GAB2: variants seen among roughly 807,000 people sequenced by gnomAD.
GAB2 encodes the protein GRB2-associated-binding protein 2.
GAB2 carries 26 observed loss-of-function variants against 65.5 expected under a neutral mutation model. That is an observed-to-expected ratio of 0.40 (90% CI 0.29 to 0.55). GAB2 has a LOEUF of 0.55. Ranked by LOEUF, GAB2 falls within the 20% of genes least tolerant of loss-of-function variation. The probability of loss-of-function intolerance (pLI) is 0.53; values close to 1 mark genes in which losing one functional copy is unlikely to be tolerated. For missense variants in GAB2, 884 were observed against 875.8 expected (o/e 1.01, Z -0.12); for synonymous variants, 321 against 329.6 (o/e 0.97, Z 0.28).
intron 1 of GAB2, among the ~76,000 whole-genome samples, chr11:78,343,382 G>A (rs888201118): frequency 1.5e-5 from 2 of 136,678 alleles, no homozygotes; most frequent in Non-Finnish European, 3.2e-5. Flanking sequence ...GAGGGAAGGA[G>A]AGAGGGAGAG....
At chr11:78,311,231 ATTAGGTACAT>A in intron 1 of GAB2, among the ~76,000 whole-genome samples, 2 of 152,182 alleles carry the variant, frequency 1.3e-5, no homozygotes, top group Non-Finnish European at 2.9e-5. Context: ...CTGAACACTT[ATTAGGTACAT>A]TTTATATACA....
chr11:78,416,292 C>T (rs1857194602), intron 1 of GAB2, among the ~76,000 whole-genome samples: 1 of 152,114 alleles, frequency 6.6e-6, no homozygotes, highest in African/African-American at 2.4e-5. Context: ...TTTTTTCCCC[C>T]AGCAAACATC....
At chr11:78,296,609 C>G (rs1200114827) in intron 1 of GAB2, among the ~76,000 whole-genome samples, 1 of 152,104 alleles carries the variant, frequency 6.6e-6, no homozygotes, top group Admixed American at 6.6e-5. Flanking sequence ...ACAAAGAAGA[C>G]ACTTGTTTAC....
intron 1 of GAB2, among the ~76,000 whole-genome samples, chr11:78,365,209 A>T (rs1203043590): frequency 6.6e-6 from 1 of 152,200 alleles, no homozygotes; most frequent in Admixed American, 6.5e-5. Context: ...AGATAAGCAG[A>T]GGGACTTAAG....
intron 1 of GAB2, among the ~76,000 whole-genome samples, chr11:78,342,804 T>C (rs570006628): frequency 5.9e-5 from 9 of 152,310 alleles, no homozygotes; most frequent in African/African-American, 2.2e-4. Flanking sequence ...TTAGACATCC[T>C]CCATAGTTCC....
intron 1 of GAB2, among the ~76,000 whole-genome samples, chr11:78,358,108 T>C (rs1357241590): frequency 1.3e-5 from 2 of 152,022 alleles, no homozygotes; most frequent in African/African-American, 4.8e-5. Context: ...TGGAATACTA[T>C]GCAGCCATAA....
At position 78,219,553 on chromosome 11, in the gene GAB2, G is replaced by A. The variant is rs1259423365; in HGVS notation, c.1888-138C>T. 4.0e-6 allele frequency: 3 copies of A among 741,180 alleles called. No homozygotes were observed. In the Admixed American group the frequency reaches 7.0e-5, roughly 17 times the overall value. 45.9% of individuals were successfully genotyped at this position (741,180 alleles called of 1,614,324 possible). ...CTCTGCCTGCCACTGACCAGCCTCA[G>A]GAGCCTGGCTTCTCTTTCTGAATGT... On this transcript the variant is annotated intron_variant, in intron 9 of 9. Coordinates refer to ENST00000361507, the MANE Select transcript of GAB2 (RefSeq NM_080491.3).
intron 1 of GAB2, among the ~76,000 whole-genome samples, chr11:78,348,948 C>A (rs971365428): frequency 6.6e-6 from 1 of 152,178 alleles, no homozygotes; most frequent in Non-Finnish European, 1.5e-5. Context: ...AAAAAGTGTA[C>A]ATACTGTACT....
intron 1 of GAB2, among the ~76,000 whole-genome samples, chr11:78,325,994 C>T (rs1855815108): frequency 6.6e-6 from 1 of 152,150 alleles, no homozygotes; most frequent in African/African-American, 2.4e-5. Flanking sequence ...ACCCTAACTC[C>T]AGCCATCCTA....
At chr11:78,353,268 T>A (rs1442448461) in intron 1 of GAB2, among the ~76,000 whole-genome samples, 3 of 152,106 alleles carry the variant, frequency 2.0e-5, no homozygotes, top group Non-Finnish European at 2.9e-5. Context: ...TGGTGAAACC[T>A]CGTCTGTACT....
chr11:78,235,127 C>T (rs1023473337), intron 3 of GAB2, among the ~76,000 whole-genome samples: 7 of 151,896 alleles, frequency 4.6e-5, no homozygotes, highest in African/African-American at 7.3e-5. Flanking sequence ...TTTCTACAGC[C>T]GGTTTGATTT....
intron 1 of GAB2, among the ~76,000 whole-genome samples, chr11:78,363,063 T>C (rs887965256): frequency 5.3e-5 from 8 of 152,194 alleles, no homozygotes; most frequent in African/African-American, 1.9e-4. Flanking sequence ...ATAAAAAAGA[T>C]GAGGCTCCTT....
At chr11:78,372,311 T>G (rs915265340) in intron 1 of GAB2, among the ~76,000 whole-genome samples, 1 of 152,184 alleles carries the variant, frequency 6.6e-6, no homozygotes, top group African/African-American at 2.4e-5. Context: ...AGAGTTTCCA[T>G]GACCTCTGGA....
intron 1 of GAB2, among the ~76,000 whole-genome samples, chr11:78,365,609 G>C (rs1400468052): frequency 6.6e-6 from 1 of 152,148 alleles, no homozygotes; most frequent in African/African-American, 2.4e-5. Flanking sequence ...GTCACTGATT[G>C]GGATTGATTG....
rs1421749814 is a variant in GAB2, at chr11:78,248,682, A to AGTAAGCCT, written c.620+1467_620+1474dup. Among the ~76,000 whole-genome samples the AGTAAGCCT allele has an allele frequency of 4.6e-5, 7 of 152,368 alleles. No homozygotes were observed. The East Asian group carries it at 1.3e-3, about 29-fold the overall frequency. On this transcript the variant is annotated intron_variant, in intron 3 of 9. Transcript: ENST00000361507. ...TATGTTTTATCATTTTACACTCATTAGTAAGCCTTTGAATTAGTTATTCCC... is the reference window on the plus strand; with the variant it reads ...TATGTTTTATCATTTTACACTCATTAGTAAGCCTGTAAGCCTTTGAATTAGTTATTCCC...
chr11:78,400,332 G>C (rs1052041095), intron 1 of GAB2, among the ~76,000 whole-genome samples: 10 of 152,132 alleles, frequency 6.6e-5, no homozygotes, highest in African/African-American at 2.4e-4. Flanking sequence ...CACGCAACTT[G>C]GTGCCTGGAT....
At chr11:78,284,340 A>G (rs1238824398) in intron 1 of GAB2, among the ~76,000 whole-genome samples, 1 of 152,254 alleles carries the variant, frequency 6.6e-6, no homozygotes, top group African/African-American at 2.4e-5. Flanking sequence ...AAAGTAAGAA[A>G]GCAGGAAGTA....
chr11:78,300,524 C>CAAAA (rs1491460683), intron 1 of GAB2, among the ~76,000 whole-genome samples: 1 of 134,816 alleles, frequency 7.4e-6, no homozygotes, highest in East Asian at 2.0e-4. Context: ...TATAAAAAAA[C>CAAAA]AAAAAAACAA....
chr11:78,333,407 G>A (rs2134680420), intron 1 of GAB2, among the ~76,000 whole-genome samples: 1 of 152,242 alleles, frequency 6.6e-6, no homozygotes, highest in African/African-American at 2.4e-5. Context: ...AGGACTACAG[G>A]AATGCACCAC....
Sources: allele counts gnomAD v4.1 joint callset (sites outside exome capture counted in the v4.1 genomes callset), GRCh38; gene constraint gnomAD v4.1.1; transcripts MANE v1.5; gene names NCBI Gene and HGNC (gene_info 2026-07-23, HGNC 2026-07-21).